Variants in PPARGC1A observed in about 807,000 individuals in gnomAD.
PPARGC1A encodes PPARG coactivator 1 alpha.
A neutral mutation model predicts 88.7 loss-of-function variants in PPARGC1A; 25 were observed. That is an observed-to-expected ratio of 0.28 (90% CI 0.21 to 0.39). The LOEUF (loss-of-function observed/expected upper bound fraction) is 0.39, where lower values mean the gene tolerates loss of function less well. PPARGC1A is among the 10% of genes least tolerant of loss of function. The pLI is 1.00. For synonymous variants in PPARGC1A, 363 were observed against 355.6 expected (o/e 1.02, Z -0.24); for missense variants, 880 against 968.7 (o/e 0.91, Z 1.22).
At chr4:24,356,934 G>T in the PPARGC1A span, among the ~76,000 whole-genome samples, 1 of 152,156 alleles carries the variant, frequency 6.6e-6, no homozygotes, top group Non-Finnish European at 1.5e-5. Context: ...TCTTCTAAAA[G>T]CTAAGACACT....
upstream of PPARGC1A, among the ~76,000 whole-genome samples, chr4:23,905,240 A>T (rs912307265): frequency 6.6e-6 from 1 of 152,166 alleles, no homozygotes; most frequent in Non-Finnish European, 1.5e-5. Flanking sequence ...TCTTGATCCT[A>T]ATTCTCTGTG....
the PPARGC1A span, among the ~76,000 whole-genome samples, chr4:24,202,467 T>G: frequency 6.6e-6 from 1 of 152,144 alleles, no homozygotes; most frequent in African/African-American, 2.4e-5. Flanking sequence ...TTTCTGGCCT[T>G]GGTACTCCCA....
the PPARGC1A span, among the ~76,000 whole-genome samples, chr4:24,329,517 C>T: frequency 6.6e-6 from 1 of 152,124 alleles, no homozygotes; most frequent in African/African-American, 2.4e-5. Context: ...TCAGCCTTTG[C>T]TTGTGCTGCG....
chr4:24,402,848 C>T, the PPARGC1A span, among the ~76,000 whole-genome samples: 1 of 152,220 alleles, frequency 6.6e-6, no homozygotes, highest in East Asian at 1.9e-4. Context: ...CAGCTCTATG[C>T]TTGGTGCTAG....
chr4:24,149,236 T>C, the PPARGC1A span, among the ~76,000 whole-genome samples: 2 of 152,214 alleles, frequency 1.3e-5, no homozygotes, highest in African/African-American at 4.8e-5. Flanking sequence ...TCTTGCATGG[T>C]GAATCAAGAA....
chr4:24,103,205 A>G, the PPARGC1A span, among the ~76,000 whole-genome samples: 1 of 152,156 alleles, frequency 6.6e-6, no homozygotes, highest in African/African-American at 2.4e-5. Flanking sequence ...ATGGCTTTGA[A>G]AGGGGGAAGC....
chr4:24,364,411 A>G, the PPARGC1A span, among the ~76,000 whole-genome samples: 1 of 152,038 alleles, frequency 6.6e-6, no homozygotes, highest in Non-Finnish European at 1.5e-5. Flanking sequence ...AAGCACTGAA[A>G]CCTTATCTTC....
chr4:23,834,223 C>T (rs1401818406), intron 2 of PPARGC1A, among the ~76,000 whole-genome samples: 1 of 152,010 alleles, frequency 6.6e-6, no homozygotes, highest in Admixed American at 6.5e-5. Flanking sequence ...TGGTGTGAAC[C>T]CGGGGGGTGG....
At chr4:24,316,720 G>C in the PPARGC1A span, among the ~76,000 whole-genome samples, 1 of 152,160 alleles carries the variant, frequency 6.6e-6, no homozygotes, top group African/African-American at 2.4e-5. Flanking sequence ...GAAGAATAAT[G>C]CTTATCCTTA....
the PPARGC1A span, among the ~76,000 whole-genome samples, chr4:24,341,167 G>C: frequency 6.6e-6 from 1 of 151,136 alleles, no homozygotes; most frequent in Non-Finnish European, 1.5e-5. Flanking sequence ...CAAATATAAA[G>C]AATAGCTCCC....
chr4:24,066,680 C>T, the PPARGC1A span, among the ~76,000 whole-genome samples: 4 of 152,134 alleles, frequency 2.6e-5, no homozygotes, highest in South Asian at 2.1e-4. Flanking sequence ...AGAACCCATA[C>T]ACTGTGATAG....
chr4:24,086,949 A>T, the PPARGC1A span, among the ~76,000 whole-genome samples: 1 of 152,196 alleles, frequency 6.6e-6, no homozygotes, highest in Non-Finnish European at 1.5e-5. Context: ...CACAGTTAGG[A>T]ATTAAGGACA....
At position 23,794,824 on chromosome 4, in the gene PPARGC1A, G is replaced by C. The variant is rs1196592760; in HGVS notation, c.*998C>G. On this transcript the variant is annotated 3_prime_UTR_variant, in exon 13 of 13. Coordinates refer to ENST00000264867, the MANE Select transcript of PPARGC1A (RefSeq NM_013261.5). ...GTTCTACCCAACTCTCATTAGTAAT[G>C]TAACCCGGTGTCCGCTCCTCAGAAA... 1.3e-5 allele frequency: 2 copies of C among 152,462 alleles called. No homozygotes were observed. The highest frequency in any genetic ancestry group is 4.8e-5 in the African/African-American group (2 of 41,400). 9.4% of individuals were successfully genotyped at this position (152,462 alleles called of 1,614,324 possible).
At chr4:24,077,759 A>G in the PPARGC1A span, among the ~76,000 whole-genome samples, 2 of 150,892 alleles carry the variant, frequency 1.3e-5, no homozygotes, top group Admixed American at 1.3e-4. Context: ...TTCTTTCATT[A>G]ATTCTTTAAC....
chr4:24,301,439 T>C, the PPARGC1A span, among the ~76,000 whole-genome samples: 7 of 152,104 alleles, frequency 4.6e-5, no homozygotes, highest in Non-Finnish European at 2.9e-5. Flanking sequence ...ATTACTGACA[T>C]AATTTTATTG....
chr4:23,967,910 A>G, the PPARGC1A span, among the ~76,000 whole-genome samples: 1 of 152,192 alleles, frequency 6.6e-6, no homozygotes, highest in Non-Finnish European at 1.5e-5. Flanking sequence ...TAGTGTATCA[A>G]AAGAAGCCTT....
intron 2 of PPARGC1A, among the ~76,000 whole-genome samples, chr4:23,849,677 C>T (rs1168909055): frequency 6.6e-6 from 1 of 151,984 alleles, no homozygotes; most frequent in Non-Finnish European, 1.5e-5. Flanking sequence ...AAGCATTTTA[C>T]TTTAATTCTG....
the PPARGC1A span, among the ~76,000 whole-genome samples, chr4:24,200,883 G>A: frequency 6.6e-6 from 1 of 152,118 alleles, no homozygotes; most frequent in African/African-American, 2.4e-5. Context: ...GTATTGAAGT[G>A]ACTCTGTTTT....
chr4:23,929,035 T>C, the PPARGC1A span, among the ~76,000 whole-genome samples: 1 of 152,118 alleles, frequency 6.6e-6, no homozygotes, highest in Non-Finnish European at 1.5e-5. Context: ...CTGGGCTTAT[T>C]ACCTAGGTGA....
Sources: gnomAD v4.1 joint callset for allele counts (sites outside exome capture counted in the v4.1 genomes callset) on GRCh38, gnomAD v4.1.1 for gene constraint, MANE v1.5 for transcripts, NCBI Gene and HGNC (gene_info 2026-07-23, HGNC 2026-07-21) for gene names.